The following SLFNL1 variants were observed in gnomAD, a reference collection of about 807,000 sequenced individuals.
SLFNL1 encodes the protein schlafen like 1.
SLFNL1 carries 26 observed loss-of-function variants against 32.5 expected under a neutral mutation model. The observed-to-expected ratio is 0.80, with a 90% CI of 0.59 to 1.11. The LOEUF (loss-of-function observed/expected upper bound fraction) is 1.11. SLFNL1 is among the 50% of genes least tolerant of loss of function. The pLI, the probability that SLFNL1 is intolerant of heterozygous loss-of-function variation, is 0.00. For synonymous variants in SLFNL1, 255 were observed against 242.2 expected, an observed-to-expected ratio of 1.05 and a Z score of -0.49; for missense variants, 553 against 546.5, an observed-to-expected ratio of 1.01 and a Z score of -0.12.
rs768673867 is a variant in SLFNL1, at chr1:41,016,185, G to A, written c.1145C>T (p.Ala382Val). The A allele has an allele frequency of 5.3e-5, 86 of 1,613,952 alleles. No homozygotes were observed. The highest frequency in any genetic ancestry group is 1.1e-4 in the African/African-American group (8 of 74,894). Residue 382 changes from alanine (A) to valine (V), a missense_variant, in exon 6 of 6, where the codon GCG becomes GTG. Ala to Val is a moderately conservative substitution (Grantham distance 64, BLOSUM62 0). Coordinates refer to ENST00000302946, the MANE Select transcript of SLFNL1 (RefSeq NM_144990.4). Reference sequence around the variant, plus strand: ...GAGCTGCTCCTTCTCCATCATCAGCGCCTTCATCTTCTCTTCCAGCTTGCC... The same window carrying A: ...GAGCTGCTCCTTCTCCATCATCAGCACCTTCATCTTCTCTTCCAGCTTGCC... The part of the protein sequence containing the change: ...ELGKLEEKMK[A>V]LMMEKEQLQQ...
chr1:41,020,010 A>G (rs1174643983), intron 3 of SLFNL1, among the ~76,000 whole-genome samples: 1 of 152,160 alleles, frequency 6.6e-6, no homozygotes, highest in Non-Finnish European at 1.5e-5. Context: ...CTTCACACAA[A>G]CGTCGGGCTT....
In SLFNL1 at chr1:41,016,186, C is replaced by T; in HGVS notation, c.1144G>A (p.Ala382Thr). Residue 382 changes from alanine (A) to threonine (T), a missense_variant, in exon 6 of 6, where the codon GCG becomes ACG. Transcript: ENST00000302946. ...AGCTGCTCCTTCTCCATCATCAGCGCCTTCATCTTCTCTTCCAGCTTGCCC... is the reference window on the plus strand; with the variant it reads ...AGCTGCTCCTTCTCCATCATCAGCGTCTTCATCTTCTCTTCCAGCTTGCCC... ...ELGKLEEKMK[A>T]LMMEKEQLQQ... 1.2e-6 allele frequency: 2 copies of T among 1,614,150 alleles called. No homozygotes were observed. Among genetic ancestry groups the T allele is most frequent in the Non-Finnish European group, 1.7e-6 (2 of 1,180,012 alleles).
At position 41,015,955 on chromosome 1, in the gene SLFNL1, A is replaced by G; in HGVS notation, c.*151T>C. 9.3e-7 allele frequency: 1 copy of G among 1,073,564 alleles called. No individual in the cohort carries two copies. Among genetic ancestry groups the G allele is most frequent in the South Asian group, 1.6e-5 (1 of 62,280 alleles). The allele number at this position is 1,073,564 out of a possible 1,614,324, so 66.5% of individuals were successfully genotyped here. On this transcript the variant is annotated 3_prime_UTR_variant, in exon 6 of 6. Transcript: ENST00000302946. ...ATGGGTCTGTCAGGGTTGAAGCCAC[A>G]TGGGTGCCTGCTCATGTGCCATGTT...
chr1:41,015,704 A>C lies in SLFNL1; in HGVS notation c.*402T>G, dbSNP rs534527788. The C allele has an allele frequency of 1.0e-4, 16 of 158,032 alleles. No homozygotes were observed. Among genetic ancestry groups the C allele is most frequent in the African/African-American group, 3.8e-4 (16 of 41,840 alleles). The allele number at this position is 158,032 out of a possible 1,614,324, so 9.8% of individuals were successfully genotyped here. On this transcript the variant is annotated 3_prime_UTR_variant, in exon 6 of 6. Transcript: ENST00000302946. ...TGCCCTGTAACCACAGTCATCAAAT[A>C]TGCCTCGCCATCTTTGAGGGGCTTT...
chr1:41,019,002 G>C (rs911026847), intron 3 of SLFNL1, among the ~76,000 whole-genome samples: 1 of 151,888 alleles, frequency 6.6e-6, no homozygotes, highest in African/African-American at 2.4e-5. Context: ...ACCACGCCCG[G>C]CTAATTTTTT....
chr1:41,017,246 C>CT lies in SLFNL1; in HGVS notation c.1088dup (p.Trp364ValfsTer60). 1 of 1,583,592 alleles carries CT rather than the reference C, an allele frequency of 6.3e-7. No homozygotes were observed. Among genetic ancestry groups the CT allele is most frequent in the Non-Finnish European group, 8.6e-7 (1 of 1,166,894 alleles). ...TCAGCTTCCGTACCTGCCTGCACCA[C>CT]TCCTGGATGGCGCTGGCAGACAGCG... On this transcript the variant is annotated frameshift_variant, in exon 5 of 6. Transcript: ENST00000302946. LOFTEE classifies it high-confidence loss of function. This position sits in a 1 kb window ranked among gnomAD's most constrained non-coding sequence, Gnocchi z 4.9.
chr1:41,018,900 C>T (rs1037632354), intron 3 of SLFNL1, among the ~76,000 whole-genome samples: 2 of 130,938 alleles, frequency 1.5e-5, no homozygotes, highest in South Asian at 2.6e-4. Flanking sequence ...AGTGCAGTGG[C>T]GTGATCTCGG....
chr1:41,018,159 A>G lies in SLFNL1; in HGVS notation c.436-3T>C. The stretch of plus-strand genomic sequence containing the variant: ...TCCTCCTCCTCCTCCTCCTTCTCCT[A>G]GGGTGGTAGTCAAGAATGAATGTAT... On this transcript the variant is annotated splice_polypyrimidine_tract_variant and splice_region_variant and intron_variant, in intron 3 of 5. Transcript: ENST00000302946. The G allele has an allele frequency of 6.8e-7, 1 of 1,469,158 alleles. No homozygotes were observed. The highest frequency in any genetic ancestry group is 9.0e-7 in the Non-Finnish European group (1 of 1,106,574). The allele number at this position is 1,469,158 out of a possible 1,614,324, so 91.0% of individuals were successfully genotyped here. A position where few individuals can be genotyped will look rare whatever the true frequency, so the allele number is the denominator to read the frequency against.
rs769258280 is a variant in SLFNL1 at position 41,016,240 on chromosome 1, T to C, written c.1102-12A>G. 2 of 1,613,406 alleles carry C rather than the reference T, an allele frequency of 1.2e-6. No individual in the cohort carries two copies. Among genetic ancestry groups the C allele is most frequent in the South Asian group, 2.2e-5 (2 of 90,950 alleles). On this transcript the variant is annotated splice_polypyrimidine_tract_variant and intron_variant, in intron 5 of 5. Transcript: ENST00000302946. ...TCCACCAGCCACCTCTGAGGGGACA[T>C]GGGAAAAGCATGTGGCCAAGCCCGC... is the stretch of plus-strand genomic sequence containing the variant.
chr1:41,018,045 G>A lies in SLFNL1; in HGVS notation c.547C>T (p.Gln183Ter). ...THTLPDRPQA[Q>*]QLQSCQGRPS... ...CGGCCCTGGCAGCTCTGCAGCTGCT[G>A]GGCCTGGGGCCTATCAGGCAGCGTG... Residue 183 changes from glutamine to a stop codon, truncating the protein, a stop_gained, in exon 4 of 6, where the codon CAG becomes TAG. Coordinates refer to ENST00000302946, the MANE Select transcript of SLFNL1 (RefSeq NM_144990.4). LOFTEE classifies it high-confidence loss of function. 1 of 1,591,622 alleles carries A rather than the reference G, an allele frequency of 6.3e-7. No individual in the cohort carries two copies. The highest frequency in any genetic ancestry group is 1.1e-5 in the South Asian group (1 of 88,568).
At position 41,015,878 on chromosome 1, in the gene SLFNL1, G is replaced by A. The variant is rs1475813012; in HGVS notation, c.*228C>T. 2.0e-6 allele frequency: 1 copy of A among 493,738 alleles called. No homozygotes were observed. Among genetic ancestry groups the A allele is most frequent in the African/African-American group, 2.0e-5 (1 of 50,300 alleles). 30.6% of individuals were successfully genotyped at this position (493,738 alleles called of 1,614,324 possible). On this transcript the variant is annotated 3_prime_UTR_variant, in exon 6 of 6. Transcript: ENST00000302946. ...GGGCAGGGTTTTACACATTCTTTCT[G>A]AAAGTAAGGTCATTTGGGGACAGGG...
At position 41,016,147 on chromosome 1, in the gene SLFNL1, G is replaced by A; in HGVS notation, c.1183C>T (p.Gln395Ter). 6.2e-7 allele frequency: 1 copy of A among 1,614,108 alleles called. No individual in the cohort carries two copies. Among genetic ancestry groups the A allele is most frequent in the Non-Finnish European group, 8.5e-7 (1 of 1,179,988 alleles). Reference sequence around the variant, plus strand: ...GTGCAGGACACAGGCCCGTGCTGCTGCAGCTGCTGCTGGAGCTGCTCCTTC... The same window carrying A: ...GTGCAGGACACAGGCCCGTGCTGCTACAGCTGCTGCTGGAGCTGCTCCTTC... The part of the protein sequence containing the change: ...MEKEQLQQQL[Q>*]QHGPVSCTCC... Residue 395 changes from glutamine to a stop codon, truncating the protein, a stop_gained, in exon 6 of 6, where the codon CAG (glutamine) becomes TAG (stop). Transcript: ENST00000302946. LOFTEE classifies it high-confidence loss of function.
chr1:41,017,212 C>T lies in SLFNL1; in HGVS notation c.1101+22G>A, dbSNP rs1197415194. The stretch of plus-strand genomic sequence containing the variant: ...TGGGGTCAGCTCCGCTCCACCCCAC[C>T]CACTGGCCTCAGCTTCCGTACCTGC... On this transcript the variant is annotated intron_variant, in intron 5 of 5. Coordinates refer to ENST00000302946, the MANE Select transcript of SLFNL1 (RefSeq NM_144990.4). The surrounding 1 kb of genome is among the most constrained non-coding windows in gnomAD (Gnocchi z 4.9). 1.9e-6 allele frequency: 3 copies of T among 1,539,450 alleles called. No homozygotes were observed. The highest frequency in any genetic ancestry group is 2.7e-5 in the African/African-American group (2 of 73,228).
chr1:41,019,754 G>A (rs1008019737), intron 3 of SLFNL1, among the ~76,000 whole-genome samples: 3 of 152,204 alleles, frequency 2.0e-5, no homozygotes, highest in African/African-American at 4.8e-5. Context: ...AGCTCTGAGC[G>A]CAGCCACCTT....
rs1301329591 is a variant in SLFNL1, at chr1:41,016,164, TG to T, written c.1165del (p.Gln389SerfsTer48). On this transcript the variant is annotated frameshift_variant, in exon 6 of 6. Coordinates refer to ENST00000302946, the MANE Select transcript of SLFNL1 (RefSeq NM_144990.4). LOFTEE classifies it high-confidence loss of function. ...GTGCTGCTGCAGCTGCTGCTGGAGC[TG>T]CTCCTTCTCCATCATCAGCGCCTTC... ...KMKALMMEKE[Q>X]LQQQLQQHGP... 5.0e-6 allele frequency: 8 copies of T among 1,614,178 alleles called. No individual in the cohort carries two copies. The East Asian group carries it at 1.8e-4, about 36-fold the overall frequency.
At chr1:41,016,620 T>G (rs1344933416) in intron 5 of SLFNL1, 1 of 178,490 alleles carries the variant, frequency 5.6e-6, no homozygotes, top group African/African-American at 2.4e-5. Flanking sequence ...AACATTCCAG[T>G]CTCTCTGCTC....
intron 3 of SLFNL1, among the ~76,000 whole-genome samples, chr1:41,018,828 GTTTTTTTTTT>G (rs34061852): frequency 1.0e-3 from 61 of 60,644 alleles, no homozygotes; most frequent in Non-Finnish European, 1.3e-3. Flanking sequence ...CAACCCTCCT[GTTTTTTTTTT>G]TTTTTTTTTT....
At position 41,020,541 on chromosome 1, in the gene SLFNL1, G is replaced by A. The variant is rs146820397; in HGVS notation, c.120C>T (p.Leu40=). ...GAGTGTGCGCCGAGGGAGCCTCCTC[G>A]AGGTCAGAGTACTCCGTCAGGGACT... ...AEQSLTEYSD[L]EEAPSAHTLY... Residue 40 remains leucine, a synonymous_variant, in exon 3 of 6, where the codon CTC becomes CTT. Coordinates refer to ENST00000302946, the MANE Select transcript of SLFNL1 (RefSeq NM_144990.4). The A allele has an allele frequency of 4.5e-4, 722 of 1,613,532 alleles. No individual in the cohort carries two copies. The highest frequency in any genetic ancestry group is 1.7e-3 in the Admixed American group (100 of 60,028).
Position 41,020,707 on chromosome 1 carries a change from C to T in SLFNL1, c.-47G>A. The T allele has an allele frequency of 6.4e-7, 1 of 1,557,178 alleles. No homozygotes were observed. The highest frequency in any genetic ancestry group is 1.2e-5 in the South Asian group (1 of 85,118). On this transcript the variant is annotated 5_prime_UTR_variant, in exon 3 of 6. Coordinates refer to ENST00000302946, the MANE Select transcript of SLFNL1 (RefSeq NM_144990.4). ...GGGTTCCAGGATTCCTCACTGCTGG[C>T]TGCTTCTCCCAGGGTCTGTGTTCTC... is the stretch of plus-strand genomic sequence containing the variant.
Sources: allele counts gnomAD v4.1 joint callset (sites outside exome capture counted in the v4.1 genomes callset), GRCh38; gene constraint gnomAD v4.1.1; non-coding constraint Gnocchi (gnomAD v3.1); transcripts MANE v1.5; gene names NCBI Gene and HGNC (gene_info 2026-07-23, HGNC 2026-07-21).